The following TRABD2A variants were observed in gnomAD, a reference collection of about 807,000 sequenced individuals.
The protein encoded by TRABD2A is metalloprotease TIKI1.
Under a neutral mutation model 45.6 loss-of-function variants are expected in TRABD2A, and 43 were observed. The observed-to-expected ratio is 0.94, with a 90% confidence interval of 0.74 to 1.22. The LOEUF is 1.22. Ranked by LOEUF, TRABD2A falls within the 50% of genes most tolerant of loss-of-function variation. TRABD2A has a pLI of 0.00. For missense variants in TRABD2A, 642 were observed against 652.4 expected, an observed-to-expected ratio of 0.98 and a Z score of 0.17; for synonymous variants, 269 against 265.0, an observed-to-expected ratio of 1.02 and a Z score of -0.15.
At chr2:84,864,115 G>A (rs931823253) in intron 2 of TRABD2A, among the ~76,000 whole-genome samples, 1 of 152,060 alleles carries the variant, frequency 6.6e-6, no homozygotes, top group South Asian at 2.1e-4. Context: ...GCAGCATTCA[G>A]TGTAGGTGCA....
chr2:84,875,215 G>A (rs911960123), intron 1 of TRABD2A, among the ~76,000 whole-genome samples: 3 of 152,226 alleles, frequency 2.0e-5, no homozygotes, highest in African/African-American at 7.2e-5. Context: ...TAAGTAGGGG[G>A]ACCAGAAAAG....
chr2:84,849,441 T>G (rs1682010734), intron 2 of TRABD2A: 1 of 152,236 alleles, frequency 6.6e-6, no homozygotes, highest in Admixed American at 6.5e-5. Flanking sequence ...CTTGCTTATT[T>G]CCCTTCATCT....
intron 4 of TRABD2A, chr2:84,835,429 T>C (rs77937974): frequency 6.6e-6 from 1 of 151,842 alleles, no homozygotes; most frequent in Non-Finnish European, 1.5e-5. Flanking sequence ...TTTTTTTTTT[T>C]AATACAGAGA....
intron 3 of TRABD2A, among the ~76,000 whole-genome samples, chr2:84,839,599 T>C (rs1023262407): frequency 6.6e-6 from 1 of 151,884 alleles, no homozygotes; most frequent in Non-Finnish European, 1.5e-5. Context: ...TGATGCCGTG[T>C]GTTTATAAAA....
chr2:84,832,566 G>A (rs1245427839), intron 4 of TRABD2A: 6 of 162,038 alleles, frequency 3.7e-5, no homozygotes, highest in East Asian at 1.7e-4. Flanking sequence ...TTGGGAGGCC[G>A]AGGCGGGTGG....
chr2:84,828,975 G>A (rs1681230900), intron 5 of TRABD2A, among the ~76,000 whole-genome samples: 1 of 152,134 alleles, frequency 6.6e-6, no homozygotes, highest in Non-Finnish European at 1.5e-5. Flanking sequence ...GAAACTGCAC[G>A]AACAAAGACA....
intron 2 of TRABD2A, among the ~76,000 whole-genome samples, chr2:84,844,796 C>T (rs1681830989): frequency 6.6e-6 from 1 of 152,262 alleles, no homozygotes; most frequent in South Asian, 2.1e-4. Flanking sequence ...CTGTCTCCAT[C>T]TAACTCATCC....
Position 84,832,097 on chromosome 2 carries a change from C to T in TRABD2A, c.1040G>A (p.Gly347Asp). The T allele has an allele frequency of 6.2e-7, 1 of 1,614,012 alleles. No homozygotes were observed. The highest frequency in any genetic ancestry group is 1.1e-5 in the South Asian group (1 of 91,076). The change falls in exon 5 of 7, where the codon GGC becomes GAC. Residue 347 changes from glycine to aspartate, a missense_variant. Transcript: ENST00000409520. Reference protein sequence around the residue: ...NTVLDVLRREGYEVEHAPAGR... With the variant: ...NTVLDVLRREDYEVEHAPAGR... ...AGCAGGGGCGTGTTCTACCTCATAG[C>T]CTTCACGCCGCAAAACATCCAGCAC...
chr2:84,825,455 C>G (rs887310299), intron 5 of TRABD2A, among the ~76,000 whole-genome samples: 21 of 152,204 alleles, frequency 1.4e-4, no homozygotes, highest in African/African-American at 4.6e-4. Context: ...TGCCCCTACT[C>G]TGAACCTGAG....
intron 2 of TRABD2A, among the ~76,000 whole-genome samples, chr2:84,859,904 G>A (rs1329141726): frequency 6.6e-6 from 1 of 152,092 alleles, no homozygotes; most frequent in Non-Finnish European, 1.5e-5. Context: ...CAGTCCAAAT[G>A]GCCTATCTGG....
intron 4 of TRABD2A, chr2:84,835,916 T>C (rs1184249478): frequency 6.6e-6 from 1 of 152,194 alleles, no homozygotes; most frequent in East Asian, 1.9e-4. Context: ...ATGACAATAA[T>C]AATTAAGTTT....
At chr2:84,850,798 T>C (rs1227734466) in intron 2 of TRABD2A, 2 of 152,148 alleles carry the variant, frequency 1.3e-5, no homozygotes, top group Non-Finnish European at 1.5e-5. Context: ...AGAGAAGTGA[T>C]TGATGTGCAG....
intron 2 of TRABD2A, among the ~76,000 whole-genome samples, chr2:84,856,700 C>G (rs1037878897): frequency 3.9e-5 from 6 of 152,176 alleles, no homozygotes; most frequent in Non-Finnish European, 7.3e-5. Context: ...CCGCTGCCTC[C>G]TGGACACCCC....
intron 2 of TRABD2A, among the ~76,000 whole-genome samples, chr2:84,859,136 C>T (rs189034456): frequency 6.6e-6 from 1 of 152,292 alleles, no homozygotes; most frequent in East Asian, 1.9e-4. Flanking sequence ...GAAAATGGCA[C>T]ACTAACATTA....
At position 84,870,215 on chromosome 2, in the gene TRABD2A, A is replaced by G. The variant is rs1036554403; in HGVS notation, c.669+10T>C. ...ATGCCACTAAGTCTTTTATGCAAAG[A>G]GAGTCTTACCTGTGAAAAGTTCAAC... is the stretch of plus-strand genomic sequence containing the variant. On this transcript the variant is annotated intron_variant, in intron 2 of 6. Transcript: ENST00000409520. 3.1e-6 allele frequency: 5 copies of G among 1,592,510 alleles called. No individual in the cohort carries two copies. Among genetic ancestry groups the G allele is most frequent in the African/African-American group, 2.7e-5 (2 of 74,550 alleles).
intron 1 of TRABD2A, among the ~76,000 whole-genome samples, chr2:84,875,281 A>G (rs1345288566): frequency 6.6e-6 from 1 of 152,226 alleles, no homozygotes; most frequent in African/African-American, 2.4e-5. Flanking sequence ...CGAGGGGCCC[A>G]CTATGGGGAT....
chr2:84,873,230 A>G (rs1682924360), intron 1 of TRABD2A, among the ~76,000 whole-genome samples: 2 of 151,916 alleles, frequency 1.3e-5, no homozygotes, highest in Non-Finnish European at 2.9e-5. Context: ...AGCCTGTCCA[A>G]CATGATGAAA....
At chr2:84,869,465 T>C (rs1682798168) in intron 2 of TRABD2A, among the ~76,000 whole-genome samples, 1 of 152,034 alleles carries the variant, frequency 6.6e-6, no homozygotes, top group Non-Finnish European at 1.5e-5. Context: ...AAACCAGGGG[T>C]AAGAAGAGCA....
chr2:84,828,830 A>C (rs1681226034), intron 5 of TRABD2A, among the ~76,000 whole-genome samples: 2 of 152,196 alleles, frequency 1.3e-5, no homozygotes, highest in African/African-American at 4.8e-5. Flanking sequence ...CACAAACCAT[A>C]GGTTCCTTGG....
Sources: allele counts gnomAD v4.1 joint callset (sites outside exome capture counted in the v4.1 genomes callset), GRCh38; gene constraint gnomAD v4.1.1; transcripts MANE v1.5; gene names NCBI Gene and HGNC (gene_info 2026-07-23, HGNC 2026-07-21).